SLCO5A1: variants seen among roughly 807,000 people sequenced by gnomAD.
The protein encoded by SLCO5A1 is solute carrier organic anion transporter family member 5A1, also known as organic anion transporter polypeptide-related protein 4.
A neutral mutation model predicts 65.1 loss-of-function variants in SLCO5A1; 39 were observed. That is an observed-to-expected ratio of 0.60 (90% confidence interval 0.46 to 0.78). SLCO5A1 has a LOEUF of 0.78. SLCO5A1 is among the 30% of genes least tolerant of loss of function. SLCO5A1 has a pLI of 0.00. For synonymous variants in SLCO5A1, 438 were observed against 415.7 expected, an observed-to-expected ratio of 1.05 and a Z score of -0.65; for missense variants, 1,029 against 1,069.4, an observed-to-expected ratio of 0.96 and a Z score of 0.53.
At chr8:69,768,977 CCCGTT>C (rs1252924593) in intron 2 of SLCO5A1, among the ~76,000 whole-genome samples, 1 of 152,164 alleles carries the variant, frequency 6.6e-6, no homozygotes, top group Non-Finnish European at 1.5e-5. Flanking sequence ...GTGCTTCCAC[CCCGTT>C]CACTCAGTCG....
At chr8:69,736,644 T>G (rs1453713585) in intron 5 of SLCO5A1, among the ~76,000 whole-genome samples, 2 of 152,228 alleles carry the variant, frequency 1.3e-5, no homozygotes, top group Non-Finnish European at 2.9e-5. Context: ...AGTCGTCTTC[T>G]GGGAGTTTCA....
chr8:69,737,978 C>T, intron 5 of SLCO5A1, 62 bp downstream of exon 5: 2 of 1,550,806 alleles, frequency 1.3e-6, no homozygotes, highest in South Asian at 2.4e-5. Flanking sequence ...TTTCTCTTTA[C>T]CCATTCCATT....
intron 2 of SLCO5A1, among the ~76,000 whole-genome samples, chr8:69,809,733 GGT>G (rs111791623): frequency 2.4e-4 from 36 of 148,702 alleles, no homozygotes; most frequent in South Asian, 4.3e-4. Context: ...TAAGGAGTGT[GGT>G]GTGTGTGTGT....
chr8:69,802,700 A>G (rs1819802157), intron 2 of SLCO5A1, among the ~76,000 whole-genome samples: 1 of 151,544 alleles, frequency 6.6e-6, no homozygotes, highest in Admixed American at 6.6e-5. Flanking sequence ...CACACCAAAC[A>G]TTTTCCTACC....
At chr8:69,732,494 T>G (rs1816377463) in intron 5 of SLCO5A1, among the ~76,000 whole-genome samples, 1 of 152,200 alleles carries the variant, frequency 6.6e-6, no homozygotes, top group African/African-American at 2.4e-5. Context: ...GAATATTGTC[T>G]TTTTGGAAAT....
At chr8:69,678,800 G>GAAAAA (rs10648194) in intron 8 of SLCO5A1, among the ~76,000 whole-genome samples, 5 of 139,676 alleles carry the variant, frequency 3.6e-5, no homozygotes, top group African/African-American at 5.3e-5. Flanking sequence ...CTGAAAAACT[G>GAAAAA]AAAAAAAAAA....
rs552931986 is a variant in SLCO5A1, at chr8:69,672,904, C to T, written c.2512G>A (p.Glu838Lys). 53 of 1,613,630 alleles carry T rather than the reference C, an allele frequency of 3.3e-5. No homozygotes were observed. The South Asian group carries it at 3.8e-4, about 12-fold the overall frequency. Residue 838 changes from glutamate to lysine, a missense_variant, in exon 10 of 10, where the codon GAA becomes AAA. Physicochemically the swap from Glu to Lys is moderately conservative, Grantham distance 56 (BLOSUM62 1). Coordinates refer to ENST00000260126, the MANE Select transcript of SLCO5A1 (RefSeq NM_030958.3). Reference protein sequence around the residue: ...AISSSADPGLEESPAALEPPS With the variant: ...AISSSADPGLKESPAALEPPS ...GGCTCCAAGGCAGCGGGGCTCTCTT[C>T]CAGCCCCGGGTCCGCAGAGGAACTT...
At chr8:69,750,676 G>C (rs963328342) in intron 4 of SLCO5A1, among the ~76,000 whole-genome samples, 2 of 152,136 alleles carry the variant, frequency 1.3e-5, no homozygotes, top group African/African-American at 4.8e-5. Flanking sequence ...AGTCTTTCAA[G>C]GTTCATCTCA....
At chr8:69,779,621 C>A (rs190060111) in intron 2 of SLCO5A1, among the ~76,000 whole-genome samples, 2 of 152,096 alleles carry the variant, frequency 1.3e-5, no homozygotes, top group East Asian at 1.9e-4. Context: ...TGGAAAAAAG[C>A]ATACTGTCAT....
At chr8:69,786,763 C>T (rs1408778721) in intron 2 of SLCO5A1, among the ~76,000 whole-genome samples, 2 of 152,090 alleles carry the variant, frequency 1.3e-5, no homozygotes. Flanking sequence ...TTGCGTAGAA[C>T]TGTCTAGGTA....
At chr8:69,759,222 A>G (rs1817655131) in intron 3 of SLCO5A1, among the ~76,000 whole-genome samples, 1 of 152,210 alleles carries the variant, frequency 6.6e-6, no homozygotes, top group African/African-American at 2.4e-5. Flanking sequence ...ACATTGCATC[A>G]AATAACTATG....
At chr8:69,751,212 T>C (rs1200692227) in intron 4 of SLCO5A1, among the ~76,000 whole-genome samples, 1 of 152,206 alleles carries the variant, frequency 6.6e-6, no homozygotes, top group Non-Finnish European at 1.5e-5. Flanking sequence ...CCCAGTTAAA[T>C]TTGGAATGCT....
chr8:69,695,609 A>G (rs2130802167), intron 6 of SLCO5A1, among the ~76,000 whole-genome samples: 1 of 152,168 alleles, frequency 6.6e-6, no homozygotes, highest in South Asian at 2.1e-4. Context: ...CAAATGTATA[A>G]GTAATTATGC....
intron 6 of SLCO5A1, among the ~76,000 whole-genome samples, chr8:69,694,151 C>T (rs761380098): frequency 1.1e-4 from 17 of 152,286 alleles, no homozygotes; most frequent in South Asian, 4.1e-4. Flanking sequence ...CAGGTGCGTA[C>T]GTGCATGAAA....
At position 69,673,106 on chromosome 8, in the gene SLCO5A1, C is replaced by T. The variant is rs542918610; in HGVS notation, c.2310G>A (p.Arg770=). 278 of 1,614,252 alleles carry T rather than the reference C, an allele frequency of 1.7e-4. No individual in the cohort carries two copies. The South Asian group carries it at 2.8e-3, about 17-fold the overall frequency. The change falls in exon 10 of 10, where the codon CGG becomes CGA. Residue 770 remains arginine, a synonymous_variant. Transcript: ENST00000260126. ...IKYKEDGLQR[R]RQREFPLSTV... Reference sequence around the variant, plus strand: ...TGCTCAGGGGAAATTCTCTCTGCCTCCGCCTCTGCAGTCCATCCTCCTTGT... The same window carrying T: ...TGCTCAGGGGAAATTCTCTCTGCCTTCGCCTCTGCAGTCCATCCTCCTTGT...
chr8:69,834,668 G>C (rs1023999211), intron 1 of SLCO5A1, among the ~76,000 whole-genome samples, 186 bp downstream of exon 1: 4 of 152,002 alleles, frequency 2.6e-5, no homozygotes, highest in African/African-American at 4.8e-5. Flanking sequence ...TCCCGGCAGG[G>C]AGCTCTTGGA....
intron 4 of SLCO5A1, among the ~76,000 whole-genome samples, chr8:69,749,880 T>C (rs1024211195): frequency 6.6e-6 from 1 of 152,034 alleles, no homozygotes; most frequent in African/African-American, 2.4e-5. Context: ...GTAAGAAGCC[T>C]TGAAGGAGAG....
intron 2 of SLCO5A1, among the ~76,000 whole-genome samples, chr8:69,798,657 A>T (rs527780846): frequency 6.6e-6 from 1 of 152,134 alleles, no homozygotes; most frequent in Non-Finnish European, 1.5e-5. Context: ...CACCTCCAAC[A>T]CTGGGGATTA....
chr8:69,814,557 G>A (rs866467910), intron 2 of SLCO5A1, among the ~76,000 whole-genome samples: 10 of 152,148 alleles, frequency 6.6e-5, no homozygotes, highest in Middle Eastern at 3.2e-3. Flanking sequence ...ACTGCTAATG[G>A]AATGTAAATT....
Sources: allele counts gnomAD v4.1 joint callset (sites outside exome capture counted in the v4.1 genomes callset), GRCh38; gene constraint gnomAD v4.1.1; transcripts MANE v1.5; gene names NCBI Gene and HGNC (gene_info 2026-07-23, HGNC 2026-07-21).